The following URGCP variants were observed in gnomAD, a reference collection of about 807,000 sequenced individuals.
URGCP encodes the protein upregulator of cell proliferation, also known as up-regulator of cell proliferation.
Under a neutral mutation model 24.6 loss-of-function variants are expected in URGCP, and 13 were observed. The ratio of observed to expected loss-of-function variants is 0.53; its 90% CI spans 0.34 to 0.84. The LOEUF is 0.84. Ranked by LOEUF, URGCP falls within the 40% of genes least tolerant of loss-of-function variation. URGCP has a pLI of 0.01. For missense variants in URGCP, 899 were observed against 1,194.3 expected (o/e 0.75, Z 3.64); for synonymous variants, 444 against 487.2 (o/e 0.91, Z 1.17).
exon 1 of URGCP, chr7:43,926,411 T>C: frequency 1.2e-6 from 1 of 857,766 alleles, no homozygotes; most frequent in Non-Finnish European, 1.5e-6. Context: ...GGCCCCACAG[T>C]GCCCCGCGCG....
At chr7:43,921,160 T>C (rs796221677) in intron 1 of URGCP, among the ~76,000 whole-genome samples, 8 of 151,958 alleles carry the variant, frequency 5.3e-5, no homozygotes, top group African/African-American at 1.9e-4. Flanking sequence ...CCTGTCTCTA[T>C]TAAATATACA....
chr7:43,881,538 C>T, intron 5 of URGCP, 121 bp downstream of exon 5: 1 of 1,151,528 alleles, frequency 8.7e-7, no homozygotes, highest in Admixed American at 2.4e-5. Flanking sequence ...TGAAGTAGGG[C>T]ATCCTAAACC....
intron 1 of URGCP, among the ~76,000 whole-genome samples, chr7:43,915,635 C>T (rs975291957): frequency 2.6e-5 from 4 of 152,216 alleles, no homozygotes; most frequent in Non-Finnish European, 4.4e-5. Flanking sequence ...TCCAGTGTTC[C>T]ACACCACATA....
intron 1 of URGCP, among the ~76,000 whole-genome samples, chr7:43,912,446 C>T (rs775021471): frequency 6.6e-6 from 1 of 152,342 alleles, no homozygotes; most frequent in South Asian, 2.1e-4. Flanking sequence ...TTGCAGTGAG[C>T]TGAGATTGCA....
At chr7:43,922,886 T>TTTTC (rs926670642) in intron 1 of URGCP, among the ~76,000 whole-genome samples, 1 of 152,006 alleles carries the variant, frequency 6.6e-6, no homozygotes, top group Non-Finnish European at 1.5e-5. Flanking sequence ...AGGCATTTTT[T>TTTTC]TTTCTTTCTC....
At chr7:43,913,140 C>T (rs2095911901) in intron 1 of URGCP, among the ~76,000 whole-genome samples, 1 of 152,188 alleles carries the variant, frequency 6.6e-6, no homozygotes, top group Admixed American at 6.6e-5. Flanking sequence ...TATGAGCCAT[C>T]CCGCCCAGCC....
chr7:43,888,053 C>T (rs2095864689), intron 1 of URGCP: 1 of 502,470 alleles, frequency 2.0e-6, no homozygotes, highest in Non-Finnish European at 3.5e-6. Context: ...AAAGTATGCA[C>T]AGTATGATTA....
chr7:43,882,071 G>C, intron 3 of URGCP, 114 bp from the exon 4 acceptor site: 25 of 1,541,200 alleles, frequency 1.6e-5, no homozygotes, highest in South Asian at 2.5e-5. Context: ...GGCTGAACAA[G>C]AGGAGTGCTT....
At chr7:43,907,429 T>C (rs924228173), upstream of URGCP, among the ~76,000 whole-genome samples, 1 of 152,136 alleles carries the variant, frequency 6.6e-6, no homozygotes, top group African/African-American at 2.4e-5. Context: ...GCCCAGGAGT[T>C]TGAGATCAGC....
chr7:43,887,789 C>G lies in URGCP; in HGVS notation c.41+1G>C. ...TCAGAAAGACAGAAAAATATACATACCCTTTGCCCAGTAATTCCACTTCTA... is the reference window on the plus strand; with the variant it reads ...TCAGAAAGACAGAAAAATATACATAGCCTTTGCCCAGTAATTCCACTTCTA... On this transcript the variant is annotated splice_donor_variant, in intron 2 of 5. Transcript: ENST00000453200. LOFTEE classifies it high-confidence loss of function. 1.3e-6 allele frequency: 2 copies of G among 1,549,616 alleles called. No homozygotes were observed. The highest frequency in any genetic ancestry group is 1.7e-6 in the Non-Finnish European group (2 of 1,146,012).
chr7:43,921,325 C>CAA (rs199924024), intron 1 of URGCP, among the ~76,000 whole-genome samples: 1 of 130,774 alleles, frequency 7.6e-6, no homozygotes, highest in African/African-American at 2.9e-5. Context: ...GACTCCGTCT[C>CAA]AAAAAAAAAA....
At chr7:43,923,736 CTGAGA>C (rs1455729147) in intron 1 of URGCP, among the ~76,000 whole-genome samples, 11 of 152,112 alleles carry the variant, frequency 7.2e-5, no homozygotes, top group African/African-American at 2.4e-4. Flanking sequence ...TTAGACTGTA[CTGAGA>C]TATTATTATT....
chr7:43,893,602 G>A (rs2095874212), intron 1 of URGCP, among the ~76,000 whole-genome samples: 2 of 152,088 alleles, frequency 1.3e-5, no homozygotes, highest in Non-Finnish European at 2.9e-5. Flanking sequence ...TGGGTGCAGT[G>A]GCTCACGCCT....
intron 3 of URGCP, among the ~76,000 whole-genome samples, chr7:43,884,550 C>T (rs1372826570): frequency 1.3e-5 from 2 of 152,160 alleles, no homozygotes; most frequent in African/African-American, 2.4e-5. Flanking sequence ...ATTTTCAAGC[C>T]AGGTGGGGTG....
intron 1 of URGCP, among the ~76,000 whole-genome samples, chr7:43,925,275 C>G (rs1302592732): frequency 6.6e-6 from 1 of 152,180 alleles, no homozygotes; most frequent in Non-Finnish European, 1.5e-5. Flanking sequence ...ATTTTATATG[C>G]TGACTGAGTA....
chr7:43,914,005 A>C (rs908542180), intron 1 of URGCP, among the ~76,000 whole-genome samples: 3 of 148,674 alleles, frequency 2.0e-5, no homozygotes, highest in South Asian at 4.3e-4. Context: ...GGCCTATTTT[A>C]TTTGTTTTTT....
chr7:43,918,607 G>A lies in URGCP; in HGVS notation c.-116+7525C>T, dbSNP rs184916849. ...CCAAAATAGGATTTTCTTAAAGAGCGCTCAGCTTAATTAAAAGTGGATATC... is the reference window on the plus strand; with the variant it reads ...CCAAAATAGGATTTTCTTAAAGAGCACTCAGCTTAATTAAAAGTGGATATC... On this transcript the variant is annotated intron_variant, in intron 1 of 5. Coordinates refer to the URGCP transcript ENST00000426198. The A allele has an allele frequency of 1.9e-4, 101 of 518,818 alleles. No homozygotes were observed. In the East Asian group the frequency reaches 2.9e-3, roughly 15 times the overall value. The allele number at this position is 518,818 out of a possible 1,614,324, so 32.1% of individuals were successfully genotyped here.
intron 1 of URGCP, among the ~76,000 whole-genome samples, chr7:43,899,904 G>A (rs2528389): frequency 0.72 from 109,145 of 152,130 alleles, 39,475 homozygotes; most frequent in African/African-American, 0.82. Flanking sequence ...GGAGGCTGAG[G>A]TGGGAGGCTC....
chr7:43,919,459 T>C (rs757098631), intron 1 of URGCP: 3 of 975,278 alleles, frequency 3.1e-6, no homozygotes, highest in South Asian at 1.3e-5. Flanking sequence ...AATGACCTCA[T>C]AGGCCTCATC....
Sources: gnomAD v4.1 joint callset for allele counts (sites outside exome capture counted in the v4.1 genomes callset) on GRCh38, gnomAD v4.1.1 for gene constraint, MANE v1.5 for transcripts, NCBI Gene and HGNC (gene_info 2026-07-23, HGNC 2026-07-21) for gene names.